Variants in PPP3CA observed in about 807,000 individuals in gnomAD.
PPP3CA encodes the protein protein phosphatase 3 catalytic subunit alpha.
In PPP3CA, 14 loss-of-function variants were observed where a neutral mutation model predicts 66.5. The observed-to-expected ratio is 0.21, with a 90% CI of 0.14 to 0.33. PPP3CA has a LOEUF of 0.33. PPP3CA is among the 10% of genes least tolerant of loss of function. The pLI is 1.00. For missense variants in PPP3CA, 317 were observed against 639.5 expected (o/e 0.50, Z 5.44); for synonymous variants, 232 against 226.2 (o/e 1.03, Z -0.23).
At chr4:101,272,457 T>A (rs749616195) in intron 1 of PPP3CA, among the ~76,000 whole-genome samples, 5 of 152,154 alleles carry the variant, frequency 3.3e-5, no homozygotes, top group Non-Finnish European at 5.9e-5. Flanking sequence ...AATAAGGCAA[T>A]CATATCAAGA....
intron 1 of PPP3CA, among the ~76,000 whole-genome samples, chr4:101,278,279 C>T (rs1179943773): frequency 1.3e-5 from 2 of 151,924 alleles, no homozygotes; most frequent in African/African-American, 4.8e-5. Context: ...AAAATATATT[C>T]AATTTTATTT....
chr4:101,203,849 G>T (rs1725044281), intron 1 of PPP3CA, among the ~76,000 whole-genome samples: 1 of 152,032 alleles, frequency 6.6e-6, no homozygotes, highest in African/African-American at 2.4e-5. Context: ...ATTGCAAATG[G>T]CTTATATAAT....
At chr4:101,138,299 T>C (rs1421911183) in intron 2 of PPP3CA, among the ~76,000 whole-genome samples, 2 of 152,224 alleles carry the variant, frequency 1.3e-5, no homozygotes, top group Admixed American at 6.5e-5. Flanking sequence ...CTTAAGTGCA[T>C]AATTTTTGGG....
In PPP3CA at chr4:101,135,649, A is replaced by C. The variant is rs1189916401; in HGVS notation, c.260-26571T>G. Among the ~76,000 whole-genome samples the C allele has an allele frequency of 2.6e-4, 40 of 152,226 alleles. 1 individual carries two copies. Among genetic ancestry groups the C allele is most frequent in the Admixed American group, 2.6e-3 (40 of 15,286 alleles). On this transcript the variant is annotated intron_variant, in intron 2 of 13. Transcript: ENST00000394854. The stretch of plus-strand genomic sequence containing the variant: ...TAAAAGCAAATGAGTGAAAGTTAAA[A>C]GGAAGCCCACTTAGTTCAACTGAAG...
At chr4:101,054,827 A>C (rs954550121) in intron 10 of PPP3CA, among the ~76,000 whole-genome samples, 1 of 152,152 alleles carries the variant, frequency 6.6e-6, no homozygotes. Context: ...CATTAGGATA[A>C]GGCAAAAATG....
intron 2 of PPP3CA, among the ~76,000 whole-genome samples, chr4:101,184,109 A>G (rs929923724): frequency 6.6e-6 from 1 of 152,182 alleles, no homozygotes; most frequent in Non-Finnish European, 1.5e-5. Flanking sequence ...AGGGAAATGG[A>G]TCAAAGACAC....
chr4:101,127,854 G>A (rs916047256), intron 2 of PPP3CA, among the ~76,000 whole-genome samples: 5 of 150,756 alleles, frequency 3.3e-5, no homozygotes, highest in African/African-American at 1.2e-4. Context: ...ACCATAGGAG[G>A]TGAGTACAAG....
At chr4:101,334,280 G>T (rs894093561) in intron 1 of PPP3CA, among the ~76,000 whole-genome samples, 1 of 151,998 alleles carries the variant, frequency 6.6e-6, no homozygotes, top group South Asian at 2.1e-4. Flanking sequence ...GATTACAGGC[G>T]CATGACACCA....
At chr4:101,309,857 AAT>A (rs1728668900) in intron 1 of PPP3CA, among the ~76,000 whole-genome samples, 1 of 152,214 alleles carries the variant, frequency 6.6e-6, no homozygotes. Context: ...ATTGTAGAAA[AAT>A]AGTGTGCTAC....
At chr4:101,332,425 A>T (rs1042114150) in intron 1 of PPP3CA, among the ~76,000 whole-genome samples, 1 of 152,240 alleles carries the variant, frequency 6.6e-6, no homozygotes, top group Non-Finnish European at 1.5e-5. Context: ...CAACCTTTCG[A>T]GAAAAACAAG....
chr4:101,269,542 C>T (rs1371502537), intron 1 of PPP3CA, among the ~76,000 whole-genome samples: 1 of 147,016 alleles, frequency 6.8e-6, no homozygotes, highest in Non-Finnish European at 1.5e-5. Flanking sequence ...AAGCTCCATA[C>T]AAACAAGGAA....
chr4:101,228,441 T>C (rs1340803127), intron 1 of PPP3CA, among the ~76,000 whole-genome samples: 2 of 151,630 alleles, frequency 1.3e-5, no homozygotes, highest in African/African-American at 4.8e-5. Flanking sequence ...ATCTTAGACA[T>C]GGAAACTTAA....
chr4:101,168,214 G>A (rs1051000171), intron 2 of PPP3CA, among the ~76,000 whole-genome samples: 2 of 152,198 alleles, frequency 1.3e-5, no homozygotes, highest in Non-Finnish European at 2.9e-5. Flanking sequence ...GACAGACTGT[G>A]TACAGGATGG....
chr4:101,299,727 G>A (rs3789753), intron 1 of PPP3CA, among the ~76,000 whole-genome samples: 9,266 of 152,176 alleles, frequency 0.061, 424 homozygotes, highest in South Asian at 0.14. Context: ...TACCAAATAT[G>A]TACAGAGCCT....
At chr4:101,032,232 C>T (rs1230346019) in intron 12 of PPP3CA, 35 bp downstream of exon 12, 2 of 1,454,536 alleles carry the variant, frequency 1.4e-6, no homozygotes, top group Non-Finnish European at 1.9e-6. Context: ...GACTGCGATG[C>T]CCCAGCACAC....
chr4:101,208,402 A>T (rs1479934729), intron 1 of PPP3CA, among the ~76,000 whole-genome samples: 1 of 152,212 alleles, frequency 6.6e-6, no homozygotes, highest in African/African-American at 2.4e-5. Flanking sequence ...CAATGGTGAG[A>T]AACCTCACCA....
At chr4:101,031,463 GA>G (rs1365496031) in intron 12 of PPP3CA, among the ~76,000 whole-genome samples, 2 of 152,138 alleles carry the variant, frequency 1.3e-5, no homozygotes, top group Admixed American at 6.5e-5. Flanking sequence ...AAAAGTGAAA[GA>G]ATATATAGGA....
intron 1 of PPP3CA, among the ~76,000 whole-genome samples, chr4:101,339,516 C>T (rs1294805068): frequency 6.6e-6 from 1 of 152,144 alleles, no homozygotes; most frequent in African/African-American, 2.4e-5. Flanking sequence ...ATTGTGTAAC[C>T]TTATTAATGC....
At chr4:101,258,754 T>A (rs2850967) in intron 1 of PPP3CA, among the ~76,000 whole-genome samples, 29,258 of 151,976 alleles carry the variant, frequency 0.19, 3,484 homozygotes, top group East Asian at 0.51. Flanking sequence ...TAAGCCTGGC[T>A]CTTCTCTCAA....
Sources: allele counts gnomAD v4.1 joint callset (sites outside exome capture counted in the v4.1 genomes callset), GRCh38; gene constraint gnomAD v4.1.1; transcripts MANE v1.5; gene names NCBI Gene and HGNC (gene_info 2026-07-23, HGNC 2026-07-21).